TMCO4: variants seen among roughly 807,000 people sequenced by gnomAD.
TMCO4 encodes the protein transmembrane and coiled-coil domains 4.
Under a neutral mutation model 64.7 loss-of-function variants are expected in TMCO4, and 58 were observed. The ratio of observed to expected loss-of-function variants is 0.90; its 90% confidence interval spans 0.73 to 1.12. TMCO4 has a LOEUF of 1.12. Among genes scored for constraint, TMCO4 ranks in the 50% most tolerant of loss-of-function variants. TMCO4 has a pLI of 0.00. For synonymous variants in TMCO4, 325 were observed against 346.1 expected, an observed-to-expected ratio of 0.94 and a Z score of 0.68; for missense variants, 780 against 825.9, an observed-to-expected ratio of 0.94 and a Z score of 0.68.
chr1:19,740,160 C>A lies in TMCO4; in HGVS notation c.1043-200G>T, dbSNP rs185695412. 3.0e-4 allele frequency among the ~76,000 whole-genome samples: 45 copies of A among 152,316 alleles called. 2 individuals are homozygous for A. In the East Asian group the frequency reaches 8.3e-3, roughly 28 times the overall value. On this transcript the variant is annotated intron_variant, in intron 11 of 15. Coordinates refer to ENST00000294543, the MANE Select transcript of TMCO4 (RefSeq NM_181719.7). ...ATGGACTCAATCCCTTCTGCTCAAGCCCTTGTCACGTGTGAGATGGCCCCA... is the reference window on the plus strand; with the variant it reads ...ATGGACTCAATCCCTTCTGCTCAAGACCTTGTCACGTGTGAGATGGCCCCA...
chr1:19,773,242 G>A (rs551401043), intron 4 of TMCO4, among the ~76,000 whole-genome samples: 3 of 152,192 alleles, frequency 2.0e-5, no homozygotes, highest in Admixed American at 6.5e-5. Context: ...CCACTGTTAC[G>A]GTCGGGTTCC....
chr1:19,705,531 AG>A (rs1557482542), intron 13 of TMCO4, among the ~76,000 whole-genome samples: 1 of 151,996 alleles, frequency 6.6e-6, no homozygotes, highest in Non-Finnish European at 1.5e-5. Context: ...AATAAAAAAA[AG>A]AATTGCAAAA....
intron 6 of TMCO4, among the ~76,000 whole-genome samples, chr1:19,760,341 T>C (rs1351262407): frequency 6.6e-6 from 1 of 152,164 alleles, no homozygotes; most frequent in Non-Finnish European, 1.5e-5. Flanking sequence ...TCCTCAAATG[T>C]CACCTTCTTG....
intron 7 of TMCO4, among the ~76,000 whole-genome samples, chr1:19,754,666 A>T (rs1441842932): frequency 6.6e-6 from 1 of 152,124 alleles, no homozygotes; most frequent in African/African-American, 2.4e-5. Context: ...CTGGGATTAG[A>T]TCCTGTGTAA....
At chr1:19,797,888 AAGAGAGAGAGAGAGGGAG>A (rs1166264341) in intron 2 of TMCO4, among the ~76,000 whole-genome samples, 4 of 137,106 alleles carry the variant, frequency 2.9e-5, no homozygotes, top group Middle Eastern at 3.7e-3. Context: ...AGAAGAAAGA[AAGAGAGAGAGAGAGGGAG>A]GGAGAGAGGG....
intron 13 of TMCO4, among the ~76,000 whole-genome samples, chr1:19,716,163 A>AG: frequency 1.9e-5 from 1 of 51,796 alleles, no homozygotes; most frequent in Non-Finnish European, 3.4e-5. Flanking sequence ...TTTTATTTTT[A>AG]TTTTATTATT....
chr1:19,764,524 T>C (rs61768305), intron 6 of TMCO4, among the ~76,000 whole-genome samples: 17,829 of 152,252 alleles, frequency 0.12, 1,144 homozygotes, highest in Non-Finnish European at 0.13. Flanking sequence ...GCGGAATAGA[T>C]GGACCAGGCT....
intron 6 of TMCO4, among the ~76,000 whole-genome samples, chr1:19,768,008 C>A (rs2042812692): frequency 6.6e-6 from 1 of 151,226 alleles, no homozygotes; most frequent in Non-Finnish European, 1.5e-5. Context: ...AAGAGAATCA[C>A]TTGAACCCGG....
intron 8 of TMCO4, 51 bp from the exon 9 acceptor site, chr1:19,746,650 C>A: frequency 1.9e-6 from 3 of 1,564,170 alleles, no homozygotes; most frequent in East Asian, 4.6e-5. Context: ...GGTGGCTGGA[C>A]GCGGTGGCTC....
At chr1:19,733,848 G>T (rs1288195174) in intron 13 of TMCO4, among the ~76,000 whole-genome samples, 1 of 151,972 alleles carries the variant, frequency 6.6e-6, no homozygotes, top group African/African-American at 2.4e-5. Context: ...CAGACTGCCT[G>T]CTCTGCCACC....
intron 13 of TMCO4, among the ~76,000 whole-genome samples, chr1:19,712,435 A>G (rs1263457702): frequency 6.6e-6 from 1 of 151,954 alleles, no homozygotes; most frequent in South Asian, 2.1e-4. Flanking sequence ...CCTGGCCAAC[A>G]TGGTGAAACC....
rs911106197 is a variant in TMCO4, at chr1:19,732,259, C to T, written c.1264+5113G>A. Among the ~76,000 whole-genome samples, 7 of 152,186 alleles carry T rather than the reference C, an allele frequency of 4.6e-5. No homozygotes were observed. The highest frequency in any genetic ancestry group is 7.3e-5 in the Non-Finnish European group (5 of 68,036). Reference sequence around the variant, plus strand: ...CGATCATGGCTCACTGCATCTTCAACCTCCTGGGCTCAAGTGATCCTCCTG... The same window carrying T: ...CGATCATGGCTCACTGCATCTTCAATCTCCTGGGCTCAAGTGATCCTCCTG... On this transcript the variant is annotated intron_variant, in intron 13 of 15. Transcript: ENST00000294543. This position sits in a 1 kb window ranked among gnomAD's most constrained non-coding sequence, Gnocchi z 4.8.
intron 15 of TMCO4, among the ~76,000 whole-genome samples, chr1:19,684,063 C>CTTTGTTTTTTT (rs2095127253): frequency 1.4e-5 from 1 of 70,316 alleles, no homozygotes; most frequent in African/African-American, 6.9e-5. Context: ...TGCCCGGCAG[C>CTTTGTTTTTTT]TTTTTTTTTT....
chr1:19,747,017 C>T lies in TMCO4; in HGVS notation c.613+146G>A, dbSNP rs549592072. The T allele has an allele frequency of 1.9e-4, 145 of 761,302 alleles. 2 individuals carry two copies. The South Asian group carries it at 2.2e-3, about 11-fold the overall frequency. The allele number at this position is 761,302 out of a possible 1,614,324, so 47.2% of individuals were successfully genotyped here. A position where few individuals can be genotyped will look rare whatever the true frequency, so the allele number is the denominator to read the frequency against. ...GGAAGTTTCTGACAGTGCTGATGAG[C>T]ACACCGACTACTCACTGACTACCTA... is the stretch of plus-strand genomic sequence containing the variant. On this transcript the variant is annotated intron_variant, in intron 8 of 15. Coordinates refer to ENST00000294543, the MANE Select transcript of TMCO4 (RefSeq NM_181719.7).
intron 3 of TMCO4, among the ~76,000 whole-genome samples, chr1:19,781,838 G>A (rs530949859): frequency 6.6e-6 from 1 of 152,064 alleles, no homozygotes; most frequent in Non-Finnish European, 1.5e-5. Context: ...AGTAGAGACG[G>A]GGTTTCACTG....
At chr1:19,786,014 TTTCGGAGGCTGAG>T (rs2043723821) in intron 3 of TMCO4, among the ~76,000 whole-genome samples, 7 of 152,060 alleles carry the variant, frequency 4.6e-5, no homozygotes, top group Admixed American at 3.3e-4. Context: ...ATCCGAGAGC[TTTCGGAGGCTGAG>T]GCAGGAGGAC....
intron 13 of TMCO4, among the ~76,000 whole-genome samples, chr1:19,718,858 T>A (rs1042142562): frequency 6.6e-6 from 1 of 152,012 alleles, no homozygotes; most frequent in Non-Finnish European, 1.5e-5. Context: ...TGCCGAGGAA[T>A]GCGGCGGCAC....
intron 13 of TMCO4, among the ~76,000 whole-genome samples, chr1:19,719,104 C>T (rs2095370148): frequency 6.6e-6 from 1 of 152,208 alleles, no homozygotes; most frequent in South Asian, 2.1e-4. Context: ...TGACACATCT[C>T]TGTTCAATCA....
chr1:19,757,462 G>A (rs1023679947), intron 6 of TMCO4, among the ~76,000 whole-genome samples: 11 of 152,052 alleles, frequency 7.2e-5, no homozygotes, highest in Non-Finnish European at 1.5e-4. Flanking sequence ...GAAAGCCCAG[G>A]ATAGCTTCCC....
Sources: gnomAD v4.1 joint callset for allele counts (sites outside exome capture counted in the v4.1 genomes callset) on GRCh38, gnomAD v4.1.1 for gene constraint, Gnocchi (gnomAD v3.1) non-coding constraint, MANE v1.5 for transcripts, NCBI Gene and HGNC (gene_info 2026-07-23, HGNC 2026-07-21) for gene names.